The following ZBTB10 variants were observed in gnomAD, a reference collection of about 807,000 sequenced individuals.
The protein encoded by ZBTB10 is zinc finger and BTB domain-containing protein 10.
In ZBTB10, 32 loss-of-function variants were observed where a neutral mutation model predicts 76.4. The ratio of observed to expected loss-of-function variants is 0.42; its 90% CI spans 0.32 to 0.56. ZBTB10 has a LOEUF of 0.56. ZBTB10 is among the 20% of genes least tolerant of loss of function. The pLI is 0.14. For synonymous variants in ZBTB10, 523 were observed against 432.9 expected (o/e 1.21, Z -2.58); for missense variants, 1,057 against 1,098.5 (o/e 0.96, Z 0.53).
chr8:80,491,021 T>C (rs1815616851), intron 1 of ZBTB10, among the ~76,000 whole-genome samples: 1 of 152,190 alleles, frequency 6.6e-6, no homozygotes, highest in African/African-American at 2.4e-5. Flanking sequence ...CTGACCAACA[T>C]GGTGAGACCC....
At chr8:80,510,645 T>G (rs59491953) in intron 2 of ZBTB10, among the ~76,000 whole-genome samples, 7,923 of 88,582 alleles carry the variant, frequency 0.089, 699 homozygotes, top group African/African-American at 0.39. Flanking sequence ...AACCAGTGTG[T>G]GTGTGTGTGT....
In ZBTB10 at chr8:80,506,562, A is replaced by ACCC. The variant is rs775670465; in HGVS notation, c.1861+6188_1861+6190dup. 8.9e-4 allele frequency among the ~76,000 whole-genome samples: 76 copies of ACCC among 85,594 alleles called. 1 individual carries two copies. Among genetic ancestry groups the ACCC allele is most frequent in the African/African-American group, 4.3e-3 (68 of 15,648 alleles). The allele number at this position is 85,594 out of a possible 152,430, so 56.2% of individuals were successfully genotyped here. A position where few individuals can be genotyped will look rare whatever the true frequency, so the allele number is the denominator to read the frequency against. On this transcript the variant is annotated intron_variant, in intron 2 of 5. Transcript: ENST00000455036. ...TTGAACTCCTGACCTCAGGTGATCC[A>ACCC]CCCCCCCCCCAACCCCCGCCTCAGC...
rs1038774465 is a variant in ZBTB10 at position 80,519,684 on chromosome 8, A to AT, written c.*165dup. On this transcript the variant is annotated 3_prime_UTR_variant, in exon 6 of 6. Transcript: ENST00000455036. Reference sequence around the variant, plus strand: ...GGGTCAAAGCCTTATAGCAAAAAAAATTTTTTTTTATATTTGCACAGGACT... The same window carrying AT: ...GGGTCAAAGCCTTATAGCAAAAAAAATTTTTTTTTTATATTTGCACAGGACT... The AT allele has an allele frequency of 9.4e-5, 74 of 785,998 alleles. No homozygotes were observed. Among genetic ancestry groups the AT allele is most frequent in the South Asian group, 2.9e-4 (14 of 48,660 alleles). 48.7% of individuals were successfully genotyped at this position (785,998 alleles called of 1,614,324 possible). A position where few individuals can be genotyped will look rare whatever the true frequency, so the allele number is the denominator to read the frequency against.
At position 80,487,783 on chromosome 8, in the gene ZBTB10, G is replaced by A; in HGVS notation, c.972+1G>A. 2 of 1,586,344 alleles carry A rather than the reference G, an allele frequency of 1.3e-6. No individual in the cohort carries two copies. The highest frequency in any genetic ancestry group is 1.3e-5 in the African/African-American group (1 of 74,260). ...CAAACTCCACGAAGCCAACGCCCAGGTACAGTATATCCTGCTCCTACTTTT... is the reference window on the plus strand; with the variant it reads ...CAAACTCCACGAAGCCAACGCCCAGATACAGTATATCCTGCTCCTACTTTT... On this transcript the variant is annotated splice_donor_variant, in intron 1 of 5. Coordinates refer to ENST00000455036, the MANE Select transcript of ZBTB10 (RefSeq NM_001105539.3). LOFTEE classifies it high-confidence loss of function.
intron 3 of ZBTB10, among the ~76,000 whole-genome samples, chr8:80,514,309 AC>A (rs1383432705): frequency 6.6e-6 from 1 of 152,208 alleles, no homozygotes; most frequent in East Asian, 1.9e-4. Context: ...AATGGTAATT[AC>A]GATAATGGTT....
chr8:80,497,324 C>T (rs997432216), intron 1 of ZBTB10, among the ~76,000 whole-genome samples: 1 of 151,972 alleles, frequency 6.6e-6, no homozygotes, highest in African/African-American at 2.4e-5. Flanking sequence ...TTTCCTTTCT[C>T]CAGTTCCCCA....
chr8:80,499,933 C>A lies in ZBTB10; in HGVS notation c.1412C>A (p.Ala471Asp), dbSNP rs1188285833. Residue 471 changes from alanine to aspartate, a missense_variant, in exon 2 of 6, where the codon GCT becomes GAT. Ala to Asp is a moderately radical substitution (Grantham distance 126, BLOSUM62 -2). Coordinates refer to ENST00000455036, the MANE Select transcript of ZBTB10 (RefSeq NM_001105539.3). ...TTAAATATAAGCATTAAATCAGAAG[C>A]TCCAGAGTCTGTAGTTGTGGACTAT... ...DALNISIKSEAPESVVVDYNN... is the reference protein window; with the variant it reads ...DALNISIKSEDPESVVVDYNN... The A allele has an allele frequency of 3.7e-6, 6 of 1,613,746 alleles. No individual in the cohort carries two copies. Among genetic ancestry groups the A allele is most frequent in the Non-Finnish European group, 4.2e-6 (5 of 1,179,870 alleles).
chr8:80,506,787 G>A (rs1208721708), intron 2 of ZBTB10, among the ~76,000 whole-genome samples: 3 of 152,124 alleles, frequency 2.0e-5, no homozygotes, highest in South Asian at 2.1e-4. Flanking sequence ...AGGGTCTCAC[G>A]TAACAGATTT....
At chr8:80,490,909 C>T (rs1815612954) in intron 1 of ZBTB10, among the ~76,000 whole-genome samples, 1 of 152,124 alleles carries the variant, frequency 6.6e-6, no homozygotes, top group Admixed American at 6.5e-5. Flanking sequence ...ATTACTATCG[C>T]CTGGTGATAG....
Position 80,509,396 on chromosome 8 carries a change from T to C in ZBTB10, c.1862-4514T>C, listed in dbSNP as rs1230206583. 2.0e-5 allele frequency among the ~76,000 whole-genome samples: 3 copies of C among 152,344 alleles called. No homozygotes were observed. The East Asian group carries it at 5.8e-4, about 29-fold the overall frequency. ...TCTCATATCTTTTCAAGAATATTTG[T>C]GTTCTGAGAAAATCTGGATTAGTCT... On this transcript the variant is annotated intron_variant, in intron 2 of 5. Transcript: ENST00000455036.
chr8:80,508,728 A>G (rs1312120330), intron 2 of ZBTB10, among the ~76,000 whole-genome samples: 1 of 152,176 alleles, frequency 6.6e-6, no homozygotes, highest in Non-Finnish European at 1.5e-5. Flanking sequence ...AGAAATTGGA[A>G]TAAGTGGGTC....
rs980323477 is a variant in ZBTB10 at position 80,522,407 on chromosome 8, T to G, written c.*2879T>G. 3.3e-5 allele frequency: 5 copies of G among 151,984 alleles called. No homozygotes were observed. Among genetic ancestry groups the G allele is most frequent in the African/African-American group, 7.2e-5 (3 of 41,450 alleles). The allele number at this position is 151,984 out of a possible 1,614,324, so 9.4% of individuals were successfully genotyped here. ...GGAAGAGTATAAACTTTCTTTCATA[T>G]TCACTCTGTAGTTACAGACCGTCTC... On this transcript the variant is annotated 3_prime_UTR_variant, in exon 6 of 6. Transcript: ENST00000455036.
At position 80,487,288 on chromosome 8, in the gene ZBTB10, A is replaced by T. The variant is rs919227682; in HGVS notation, c.478A>T (p.Thr160Ser). ...GCATTTCAATGGGCGAGGGCCGGCG[A>T]CTGTGGATCTGGAGCTGGACGCGCT... The part of the protein sequence containing the change: ...LRHFNGRGPA[T>S]VDLELDALEG... Residue 160 changes from threonine to serine, a missense_variant, in exon 1 of 6, where the codon ACT becomes TCT. Physicochemically the swap from Thr to Ser is moderately conservative, Grantham distance 58. Coordinates refer to ENST00000455036, the MANE Select transcript of ZBTB10 (RefSeq NM_001105539.3). The T allele has an allele frequency of 6.5e-7, 1 of 1,549,616 alleles. No homozygotes were observed. The highest frequency in any genetic ancestry group is 8.7e-7 in the Non-Finnish European group (1 of 1,147,220).
chr8:80,505,549 T>C (rs944853681), intron 2 of ZBTB10, among the ~76,000 whole-genome samples: 4 of 152,186 alleles, frequency 2.6e-5, no homozygotes, highest in Admixed American at 6.5e-5. Context: ...CCTAGACTTA[T>C]GATGGAAAAA....
chr8:80,488,111 T>C (rs978786129), intron 1 of ZBTB10, among the ~76,000 whole-genome samples: 1 of 152,192 alleles, frequency 6.6e-6, no homozygotes, highest in Admixed American at 6.5e-5. Context: ...AGGCTGACTT[T>C]GCGGTAAAAA....
chr8:80,490,574 T>C (rs1815602549), intron 1 of ZBTB10, among the ~76,000 whole-genome samples: 1 of 152,178 alleles, frequency 6.6e-6, no homozygotes, highest in Admixed American at 6.5e-5. Context: ...AGTTCTCCTT[T>C]TTATACCTTC....
intron 1 of ZBTB10, among the ~76,000 whole-genome samples, chr8:80,495,734 A>G (rs1210996056): frequency 6.6e-6 from 1 of 152,150 alleles, no homozygotes; most frequent in Non-Finnish European, 1.5e-5. Flanking sequence ...CTTTGAGTAA[A>G]ATATTTACTA....
chr8:80,486,893 A>G lies in ZBTB10; in HGVS notation c.83A>G (p.Asn28Ser), dbSNP rs1220842295. 11 of 1,513,046 alleles carry G rather than the reference A, an allele frequency of 7.3e-6. No homozygotes were observed. The highest frequency in any genetic ancestry group is 9.7e-6 in the Non-Finnish European group (11 of 1,133,206). The allele number at this position is 1,513,046 out of a possible 1,614,324, so 93.7% of individuals were successfully genotyped here. Residue 28 changes from asparagine (N) to serine (S), a missense_variant, in exon 1 of 6, where the codon AAC (asparagine) becomes AGC (serine). This residue lies in a region of ZBTB10 where 556 missense variants were observed against 451.7 expected (regional missense o/e 1.23). Transcript: ENST00000455036. ...ACCGCTAGCGGCGGCGGCTCCACGAACAATAACGCTGGCGGGGAGGCCTCA... is the reference window on the plus strand; with the variant it reads ...ACCGCTAGCGGCGGCGGCTCCACGAGCAATAACGCTGGCGGGGAGGCCTCA... ...LVTASGGGSTNNNAGGEASAW... is the reference protein window; with the variant it reads ...LVTASGGGSTSNNAGGEASAW...
intron 1 of ZBTB10, among the ~76,000 whole-genome samples, chr8:80,490,465 G>A (rs1815599216): frequency 6.6e-6 from 1 of 152,002 alleles, no homozygotes; most frequent in Non-Finnish European, 1.5e-5. Context: ...TCAACCTTTT[G>A]GGCTCAAGCA....
Sources: gnomAD v4.1 joint callset for allele counts (sites outside exome capture counted in the v4.1 genomes callset) on GRCh38, gnomAD v4.1.1 for gene constraint, gnomAD v4.1.1 regional missense constraint, MANE v1.5 for transcripts, NCBI Gene and HGNC (gene_info 2026-07-23, HGNC 2026-07-21) for gene names.